Variants in GPATCH1 observed in about 807,000 individuals in gnomAD.
GPATCH1 encodes the protein G patch domain-containing protein 1.
A neutral mutation model predicts 114.9 loss-of-function variants in GPATCH1; 73 were observed. The observed-to-expected ratio is 0.64, with a 90% CI of 0.53 to 0.77. GPATCH1 has a LOEUF of 0.77. GPATCH1 is among the 30% of genes least tolerant of loss of function. GPATCH1 has a pLI of 0.00. For missense variants in GPATCH1, 1,058 were observed against 1,144.3 expected, an observed-to-expected ratio of 0.92 and a Z score of 1.09; for synonymous variants, 391 against 428.4, an observed-to-expected ratio of 0.91 and a Z score of 1.08.
chr19:33,086,716 A>C (rs568466104), intron 1 of GPATCH1, among the ~76,000 whole-genome samples: 4 of 152,254 alleles, frequency 2.6e-5, no homozygotes, highest in Admixed American at 1.3e-4. Context: ...TCAGCCTCTC[A>C]AAGTGCTGGG....
chr19:33,129,981 C>A, intron 19 of GPATCH1, 149 bp from the exon 20 acceptor site: 1 of 576,472 alleles, frequency 1.7e-6, no homozygotes, highest in South Asian at 2.2e-5. Context: ...TTAGGCAGTA[C>A]TTCATTGTGG....
At chr19:33,115,498 CTT>C (rs1159867914) in intron 15 of GPATCH1, among the ~76,000 whole-genome samples, 6 of 139,252 alleles carry the variant, frequency 4.3e-5, no homozygotes, top group Non-Finnish European at 3.2e-5. Flanking sequence ...AAGTGGGTTT[CTT>C]TTTTTTTTTT....
At chr19:33,111,933 A>G in intron 12 of GPATCH1, 31 bp downstream of exon 12, 1 of 1,552,634 alleles carries the variant, frequency 6.4e-7, no homozygotes, top group Non-Finnish European at 8.9e-7. Flanking sequence ...TTACCTGGTG[A>G]ACTTTAATAT....
intron 6 of GPATCH1, 133 bp from the exon 7 acceptor site, chr19:33,096,074 A>G (rs1972654720): frequency 3.2e-6 from 3 of 948,108 alleles, no homozygotes; most frequent in African/African-American, 1.6e-5. Flanking sequence ...TGATTTAGTC[A>G]TTTATAACAG....
chr19:33,104,618 T>A (rs1972763086), intron 9 of GPATCH1, among the ~76,000 whole-genome samples: 1 of 152,054 alleles, frequency 6.6e-6, no homozygotes, highest in Admixed American at 6.6e-5. Flanking sequence ...CTTGGGGAAC[T>A]CCAGTTATAG....
chr19:33,104,520 C>A (rs1972762189), intron 9 of GPATCH1, among the ~76,000 whole-genome samples: 1 of 151,990 alleles, frequency 6.6e-6, no homozygotes, highest in Admixed American at 6.6e-5. Context: ...AACAGGATTT[C>A]TTGACAATGA....
intron 1 of GPATCH1, among the ~76,000 whole-genome samples, chr19:33,083,027 A>G (rs1033026671): frequency 1.3e-5 from 2 of 151,852 alleles, no homozygotes; most frequent in Non-Finnish European, 2.9e-5. Flanking sequence ...TCGCGAATTC[A>G]GAAGATCCTA....
chr19:33,116,807 G>A (rs1402185209), intron 15 of GPATCH1, among the ~76,000 whole-genome samples: 1 of 152,098 alleles, frequency 6.6e-6, no homozygotes, highest in Non-Finnish European at 1.5e-5. Context: ...GGGATTACAG[G>A]CGTGAGCCAC....
At chr19:33,087,249 GA>G (rs1972542824) in intron 1 of GPATCH1, among the ~76,000 whole-genome samples, 2 of 151,738 alleles carry the variant, frequency 1.3e-5, no homozygotes, top group Admixed American at 6.6e-5. Flanking sequence ...AAAATAACTT[GA>G]TTTTTTTTAT....
intron 9 of GPATCH1, among the ~76,000 whole-genome samples, chr19:33,102,585 T>C (rs1972739731): frequency 1.3e-5 from 2 of 151,672 alleles, no homozygotes; most frequent in Non-Finnish European, 2.9e-5. Flanking sequence ...TTAGTAGAGA[T>C]GGGGTTTCAC....
chr19:33,108,979 G>C (rs571298829), intron 10 of GPATCH1, among the ~76,000 whole-genome samples: 107 of 152,304 alleles, frequency 7.0e-4, no homozygotes, highest in Admixed American at 2.0e-3. Flanking sequence ...CAGAACTTTG[G>C]GAGGCCAAGG....
chr19:33,090,783 G>A lies in GPATCH1; in HGVS notation c.212G>A (p.Trp71Ter). Residue 71 changes from tryptophan (W) to a stop codon, truncating the protein, a stop_gained, in exon 3 of 20, where the codon TGG (tryptophan) becomes TAG (stop). Coordinates refer to ENST00000170564, the MANE Select transcript of GPATCH1 (RefSeq NM_018025.3). LOFTEE classifies it high-confidence loss of function. ...YFNTVGSKEGWTPSTFVSSRQ... is the reference protein window; with the variant it reads ...YFNTVGSKEG Reference sequence around the variant, plus strand: ...TTCTAAACTCTTTTTTTTTCAGGATGGACACCCTCTACCTTTGTGTCTTCA... The same window carrying A: ...TTCTAAACTCTTTTTTTTTCAGGATAGACACCCTCTACCTTTGTGTCTTCA... 2 of 1,601,168 alleles carry A rather than the reference G, an allele frequency of 1.2e-6. No homozygotes were observed. The highest frequency in any genetic ancestry group is 8.5e-7 in the Non-Finnish European group (1 of 1,169,904).
chr19:33,102,554 G>A (rs1338359062), intron 9 of GPATCH1, among the ~76,000 whole-genome samples: 1 of 151,528 alleles, frequency 6.6e-6, no homozygotes, highest in South Asian at 2.1e-4. Context: ...GCACCACCAC[G>A]GCTGGCTAAT....
At chr19:33,126,828 A>C (rs1174308631) in intron 19 of GPATCH1, 95 bp downstream of exon 19, 2 of 1,111,316 alleles carry the variant, frequency 1.8e-6, no homozygotes, top group Non-Finnish European at 2.6e-6. Flanking sequence ...GAAATGAAAA[A>C]CTGGTAGGCC....
chr19:33,090,679 T>TA (rs1972583748), intron 2 of GPATCH1, 101 bp from the exon 3 acceptor site: 6 of 710,572 alleles, frequency 8.4e-6, no homozygotes, highest in Non-Finnish European at 1.3e-5. Flanking sequence ...TAAGAGTTTA[T>TA]AGTTATTGGG....
chr19:33,089,003 A>G (rs1972565914), intron 2 of GPATCH1, among the ~76,000 whole-genome samples: 1 of 152,136 alleles, frequency 6.6e-6, no homozygotes, highest in Non-Finnish European at 1.5e-5. Flanking sequence ...GGATATTTGG[A>G]TGTTTCCAGA....
intron 5 of GPATCH1, 34 bp downstream of exon 5, chr19:33,094,303 C>A: frequency 9.2e-7 from 1 of 1,086,852 alleles, no homozygotes; most frequent in Non-Finnish European, 1.4e-6. Context: ...GTTATCACTG[C>A]TGCAGCGTAC....
At chr19:33,084,173 A>G (rs1972510696) in intron 1 of GPATCH1, among the ~76,000 whole-genome samples, 1 of 152,274 alleles carries the variant, frequency 6.6e-6, no homozygotes, top group East Asian at 1.9e-4. Flanking sequence ...AACACACTAG[A>G]CTAATAATTA....
intron 1 of GPATCH1, among the ~76,000 whole-genome samples, chr19:33,083,675 G>A (rs975369129): frequency 1.3e-5 from 2 of 152,146 alleles, no homozygotes; most frequent in East Asian, 1.9e-4. Context: ...AATTACAGGC[G>A]TGAGCCATTG....
Sources: allele counts gnomAD v4.1 joint callset (sites outside exome capture counted in the v4.1 genomes callset), GRCh38; gene constraint gnomAD v4.1.1; transcripts MANE v1.5; gene names NCBI Gene and HGNC (gene_info 2026-07-23, HGNC 2026-07-21).